The following DPH6 variants were observed in gnomAD, a reference collection of about 807,000 sequenced individuals.
DPH6 encodes diphthamine biosynthesis 6, also known as diphthine--ammonia ligase.
In DPH6, 33 loss-of-function variants were observed where a neutral mutation model predicts 38.2. The ratio of observed to expected loss-of-function variants is 0.86; its 90% CI spans 0.65 to 1.15. The LOEUF (loss-of-function observed/expected upper bound fraction) is 1.15, where lower values mean the gene tolerates loss of function less well. Ranked by LOEUF, DPH6 falls within the 50% of genes most tolerant of loss-of-function variation. DPH6 has a pLI of 0.00. For synonymous variants in DPH6, 108 were observed against 103.0 expected, an observed-to-expected ratio of 1.05 and a Z score of -0.30; for missense variants, 325 against 320.0, an observed-to-expected ratio of 1.02 and a Z score of -0.12.
the DPH6 span, among the ~76,000 whole-genome samples, chr15:35,159,912 A>C: frequency 2.0e-5 from 3 of 152,104 alleles, no homozygotes; most frequent in Non-Finnish European, 4.4e-5. Flanking sequence ...ACATGGATGG[A>C]GCTGGAGGCC....
intron 3 of DPH6, among the ~76,000 whole-genome samples, chr15:35,536,157 T>G (rs1302907484): frequency 6.6e-6 from 1 of 152,052 alleles, no homozygotes; most frequent in Non-Finnish European, 1.5e-5. Context: ...TAGATTCATT[T>G]TTTTTCATAA....
chr15:35,527,465 T>C (rs2055021371), intron 3 of DPH6, among the ~76,000 whole-genome samples: 1 of 152,160 alleles, frequency 6.6e-6, no homozygotes, highest in Non-Finnish European at 1.5e-5. Context: ...TCAAGTTACT[T>C]ATAATCTTTA....
intron 3 of DPH6, among the ~76,000 whole-genome samples, chr15:35,473,754 C>T (rs2054225617): frequency 6.6e-6 from 1 of 152,102 alleles, no homozygotes; most frequent in Admixed American, 6.6e-5. Flanking sequence ...AGATTGGGTA[C>T]AACCTAAATG....
At chr15:35,422,223 T>A (rs995316173) in intron 5 of DPH6, among the ~76,000 whole-genome samples, 4 of 151,900 alleles carry the variant, frequency 2.6e-5, no homozygotes, top group East Asian at 1.9e-4. Context: ...TTCCCATGAA[T>A]CATCAGAGAA....
chr15:35,436,310 C>CA (rs1266918405), intron 5 of DPH6, among the ~76,000 whole-genome samples: 1 of 150,990 alleles, frequency 6.6e-6, no homozygotes, highest in African/African-American at 2.5e-5. Flanking sequence ...ACTAAAAATA[C>CA]AAAAAATTAG....
At chr15:35,162,078 C>T in the DPH6 span, among the ~76,000 whole-genome samples, 1 of 151,970 alleles carries the variant, frequency 6.6e-6, no homozygotes, top group African/African-American at 2.4e-5. Context: ...ATATACCCTG[C>T]ATCTTGATTA....
chr15:35,185,675 T>A, the DPH6 span, among the ~76,000 whole-genome samples: 6,045 of 150,430 alleles, frequency 0.04, 125 homozygotes, highest in Middle Eastern at 0.053. Flanking sequence ...TTAGAAATCA[T>A]AGAATTATAG....
chr15:35,527,964 C>T (rs1348941527), intron 3 of DPH6, among the ~76,000 whole-genome samples: 2 of 152,210 alleles, frequency 1.3e-5, no homozygotes, highest in Admixed American at 1.3e-4. Context: ...CAGAAGTAAA[C>T]TTTAAGGGGT....
At chr15:35,276,058 C>T (rs552436807) in intron 3 of DPH6, among the ~76,000 whole-genome samples, 10 of 152,300 alleles carry the variant, frequency 6.6e-5, no homozygotes, top group Non-Finnish European at 1.2e-4. Flanking sequence ...AGTTTACATT[C>T]CTATCAGCAA....
chr15:35,497,594 C>T (rs558586486), intron 3 of DPH6, among the ~76,000 whole-genome samples: 49 of 152,196 alleles, frequency 3.2e-4, no homozygotes, highest in African/African-American at 1.1e-3. Context: ...AAAATATACC[C>T]TCTTTTAATC....
At chr15:35,466,814 T>C (rs2054131863) in intron 3 of DPH6, among the ~76,000 whole-genome samples, 1 of 152,156 alleles carries the variant, frequency 6.6e-6, no homozygotes, top group Non-Finnish European at 1.5e-5. Context: ...GTAACAATGG[T>C]AAATATTTGG....
rs568957436 is a variant in DPH6, at chr15:35,483,193, C to T, written c.313-28373G>A. On this transcript the variant is annotated intron_variant, in intron 3 of 8. Transcript: ENST00000256538. ...TTAAAACCACAATGAGGCTTGGGTGCGGTGGTTCATGCCTGTAATCCCAGC... is the reference window on the plus strand; with the variant it reads ...TTAAAACCACAATGAGGCTTGGGTGTGGTGGTTCATGCCTGTAATCCCAGC... Among the ~76,000 whole-genome samples the T allele has an allele frequency of 2.0e-4, 30 of 151,924 alleles. No individual in the cohort carries two copies. The East Asian group carries it at 3.9e-3, about 20-fold the overall frequency.
intron 3 of DPH6, among the ~76,000 whole-genome samples, chr15:35,296,804 C>CTTTTTCTTTTTTTTT (rs2052018387): frequency 7.9e-6 from 1 of 127,332 alleles, no homozygotes; most frequent in Non-Finnish European, 1.6e-5. Flanking sequence ...GGCCTGGCTT[C>CTTTTTCTTTTTTTTT]TTTTTTTTTT....
At chr15:35,194,338 C>A in the DPH6 span, among the ~76,000 whole-genome samples, 1 of 150,086 alleles carries the variant, frequency 6.7e-6, no homozygotes, top group Admixed American at 6.7e-5. Context: ...TACAGGGAGA[C>A]CTGAAGCTTG....
At chr15:35,382,572 G>C (rs2052885606) in intron 6 of DPH6, among the ~76,000 whole-genome samples, 1 of 152,132 alleles carries the variant, frequency 6.6e-6, no homozygotes, top group African/African-American at 2.4e-5. Flanking sequence ...CAGCCAAATT[G>C]GGCTCCCCCA....
chr15:35,433,642 C>T (rs2053659318), intron 5 of DPH6, among the ~76,000 whole-genome samples: 1 of 152,190 alleles, frequency 6.6e-6, no homozygotes, highest in African/African-American at 2.4e-5. Context: ...CTATAAAACT[C>T]TATTTCCATA....
downstream of DPH6, among the ~76,000 whole-genome samples, chr15:35,326,346 T>C (rs1034237030): frequency 3.3e-5 from 5 of 152,220 alleles, no homozygotes; most frequent in African/African-American, 1.2e-4. Flanking sequence ...ATTTTGTATA[T>C]GGAAATACTA....
At chr15:35,275,071 C>G (rs372651675) in intron 3 of DPH6, among the ~76,000 whole-genome samples, 1 of 152,024 alleles carries the variant, frequency 6.6e-6, no homozygotes, top group Non-Finnish European at 1.5e-5. Context: ...CCCGCCACCA[C>G]GCCTGGCTAA....
intron 1 of DPH6, among the ~76,000 whole-genome samples, chr15:35,544,704 A>C (rs1420361877): frequency 6.6e-6 from 1 of 152,180 alleles, no homozygotes; most frequent in Admixed American, 6.5e-5. Context: ...TTCAGCAAGA[A>C]TTTTCCAACA....
Sources: gnomAD v4.1 joint callset for allele counts (sites outside exome capture counted in the v4.1 genomes callset) on GRCh38, gnomAD v4.1.1 for gene constraint, MANE v1.5 for transcripts, NCBI Gene and HGNC (gene_info 2026-07-23, HGNC 2026-07-21) for gene names.